Variants in CDH12 observed in about 807,000 individuals in gnomAD.
CDH12 encodes the protein cadherin-12.
CDH12 carries 41 observed loss-of-function variants against 74.1 expected under a neutral mutation model. The observed-to-expected ratio is 0.55, with a 90% CI of 0.43 to 0.72. CDH12 has a LOEUF of 0.72. Ranked by LOEUF, CDH12 falls within the 30% of genes least tolerant of loss-of-function variation. The pLI is 0.00. For missense variants in CDH12, 945 were observed against 977.2 expected (o/e 0.97, Z 0.44); for synonymous variants, 399 against 355.0 (o/e 1.12, Z -1.39).
intron 4 of CDH12, among the ~76,000 whole-genome samples, chr5:22,178,633 C>T (rs1014994838): frequency 2.0e-5 from 3 of 152,132 alleles, no homozygotes; most frequent in Admixed American, 6.5e-5. Context: ...AACACCAATT[C>T]ATACTCTTAC....
intron 1 of CDH12, among the ~76,000 whole-genome samples, chr5:22,586,184 T>G (rs1051415805): frequency 7.9e-5 from 12 of 152,134 alleles, no homozygotes; most frequent in African/African-American, 2.9e-4. Context: ...GTTCATGTCC[T>G]TTGTAGGGAC....
chr5:22,798,866 C>T (rs1224958319), intron 1 of CDH12, among the ~76,000 whole-genome samples: 1 of 152,024 alleles, frequency 6.6e-6, no homozygotes, highest in Admixed American at 6.6e-5. Context: ...GTAATCCCAG[C>T]ACTTTGGGAG....
intron 2 of CDH12, among the ~76,000 whole-genome samples, chr5:22,504,524 G>A (rs542900728): frequency 6.6e-6 from 1 of 152,118 alleles, no homozygotes; most frequent in East Asian, 1.9e-4. Context: ...TATATCAATG[G>A]TTAATCTTAA....
chr5:22,775,939 T>A (rs901638034), intron 1 of CDH12, among the ~76,000 whole-genome samples: 42 of 152,044 alleles, frequency 2.8e-4, no homozygotes, highest in Non-Finnish European at 3.8e-4. Context: ...TCTGATGGGT[T>A]TATCAGGGGT....
At chr5:22,195,224 G>C (rs1220368504) in intron 4 of CDH12, among the ~76,000 whole-genome samples, 1 of 152,204 alleles carries the variant, frequency 6.6e-6, no homozygotes, top group African/African-American at 2.4e-5. Context: ...GGGCTATCCA[G>C]TTGCTGAAAT....
At chr5:22,138,574 T>G (rs528320420) in intron 4 of CDH12, among the ~76,000 whole-genome samples, 1 of 150,906 alleles carries the variant, frequency 6.6e-6, no homozygotes, top group East Asian at 1.9e-4. Context: ...TTTAAATGAA[T>G]TCTTCTTGAA....
At chr5:22,347,805 C>A (rs2150461385) in intron 3 of CDH12, among the ~76,000 whole-genome samples, 1 of 152,260 alleles carries the variant, frequency 6.6e-6, no homozygotes, top group South Asian at 2.1e-4. Flanking sequence ...GATACTAAAT[C>A]AGAAAACCTT....
intron 4 of CDH12, among the ~76,000 whole-genome samples, chr5:22,101,578 A>C (rs1744141617): frequency 6.6e-6 from 1 of 152,198 alleles, no homozygotes; most frequent in South Asian, 2.1e-4. Flanking sequence ...AAGTCTGCAC[A>C]GAAGTATTTT....
intron 1 of CDH12, among the ~76,000 whole-genome samples, chr5:22,582,541 G>A (rs1293223596): frequency 6.6e-6 from 1 of 152,048 alleles, no homozygotes; most frequent in Non-Finnish European, 1.5e-5. Context: ...ATCCTAAATT[G>A]TTCCCACAGG....
chr5:21,986,115 GA>G (rs1418543547), intron 5 of CDH12, among the ~76,000 whole-genome samples: 2 of 151,984 alleles, frequency 1.3e-5, no homozygotes, highest in African/African-American at 4.8e-5. Context: ...TTATCATCTG[GA>G]AATATTTCAC....
chr5:22,609,715 C>T (rs1264456471), intron 1 of CDH12, among the ~76,000 whole-genome samples: 1 of 152,060 alleles, frequency 6.6e-6, no homozygotes, highest in South Asian at 2.1e-4. Flanking sequence ...AAGAAAAAAA[C>T]GTATAGCTAA....
intron 2 of CDH12, among the ~76,000 whole-genome samples, chr5:22,453,723 A>G (rs188197597): frequency 7.6e-4 from 115 of 152,294 alleles, no homozygotes; most frequent in Non-Finnish European, 1.4e-3. Context: ...TAGCAAGAAG[A>G]GTGGATTTTG....
At chr5:22,791,781 G>GA (rs1312422198) in intron 1 of CDH12, among the ~76,000 whole-genome samples, 1 of 152,184 alleles carries the variant, frequency 6.6e-6, no homozygotes, top group East Asian at 1.9e-4. Context: ...CCAGACACTG[G>GA]AAAACCATCA....
intron 5 of CDH12, among the ~76,000 whole-genome samples, chr5:22,034,017 A>G (rs1285413570): frequency 6.6e-6 from 1 of 152,104 alleles, no homozygotes; most frequent in African/African-American, 2.4e-5. Context: ...ATATTTAAAG[A>G]AAGTTGCTGG....
chr5:22,161,613 G>A (rs1465400774), intron 4 of CDH12, among the ~76,000 whole-genome samples: 1 of 152,012 alleles, frequency 6.6e-6, no homozygotes, highest in Admixed American at 6.6e-5. Flanking sequence ...GATTGGATGA[G>A]CTCAGGAGTT....
At chr5:21,993,095 G>T (rs1257257137) in intron 5 of CDH12, among the ~76,000 whole-genome samples, 1 of 152,080 alleles carries the variant, frequency 6.6e-6, no homozygotes, top group Non-Finnish European at 1.5e-5. Context: ...CCTCCCACTA[G>T]GCCCCTCCTC....
chr5:22,801,612 T>C (rs1748516378), intron 1 of CDH12, among the ~76,000 whole-genome samples: 1 of 141,268 alleles, frequency 7.1e-6, no homozygotes, highest in Admixed American at 7.3e-5. Context: ...AGTTTATATT[T>C]ACAATTACCT....
chr5:21,959,263 C>A (rs1756238740), intron 6 of CDH12, among the ~76,000 whole-genome samples: 2 of 152,194 alleles, frequency 1.3e-5, no homozygotes, highest in African/African-American at 4.8e-5. Flanking sequence ...TTTACTTCCT[C>A]TCTTCCTATT....
chr5:21,889,903 G>A (rs1752820155), intron 6 of CDH12: 1 of 952,434 alleles, frequency 1.0e-6, no homozygotes, highest in African/African-American at 1.8e-5. Flanking sequence ...ACCCCACACT[G>A]GCAATGTTTG....
Sources: allele counts gnomAD v4.1 joint callset (sites outside exome capture counted in the v4.1 genomes callset), GRCh38; gene constraint gnomAD v4.1.1; transcripts MANE v1.5; gene names NCBI Gene and HGNC (gene_info 2026-07-23, HGNC 2026-07-21).